DNAJC1: variants seen among roughly 807,000 people sequenced by gnomAD.
The protein encoded by DNAJC1 is dnaJ homolog subfamily C member 1.
In DNAJC1, 58 loss-of-function variants were observed where a neutral mutation model predicts 76.6. The ratio of observed to expected loss-of-function variants is 0.76; its 90% CI spans 0.61 to 0.94. The LOEUF is 0.94. Ranked by LOEUF, DNAJC1 falls within the 40% of genes least tolerant of loss-of-function variation. DNAJC1 has a pLI of 0.00. For missense variants in DNAJC1, 689 were observed against 677.3 expected, an observed-to-expected ratio of 1.02 and a Z score of -0.19; for synonymous variants, 258 against 267.9, an observed-to-expected ratio of 0.96 and a Z score of 0.36.
At chr10:21,906,118 T>TAA (rs946054126) in intron 6 of DNAJC1, among the ~76,000 whole-genome samples, 24 of 152,280 alleles carry the variant, frequency 1.6e-4, no homozygotes, top group Admixed American at 1.4e-3. Context: ...ATTGAATCAA[T>TAA]ACAATACAGA....
intron 8 of DNAJC1, among the ~76,000 whole-genome samples, chr10:21,819,626 G>T (rs958076783): frequency 8.6e-5 from 13 of 151,862 alleles, no homozygotes; most frequent in African/African-American, 2.9e-4. Context: ...TTTTTTTATT[G>T]AGATCTAATT....
At chr10:21,813,526 G>T (rs1189985589) in intron 8 of DNAJC1, among the ~76,000 whole-genome samples, 1 of 151,894 alleles carries the variant, frequency 6.6e-6, no homozygotes, top group Admixed American at 6.6e-5. Flanking sequence ...CTCCCGAGTA[G>T]CTGGGACTAC....
At chr10:21,954,825 G>A (rs114410338) in intron 1 of DNAJC1, among the ~76,000 whole-genome samples, 4,974 of 152,208 alleles carry the variant, frequency 0.033, 134 homozygotes, top group Middle Eastern at 0.065. Flanking sequence ...ATAATATAAT[G>A]AGGAAACTGG....
At chr10:21,982,477 G>A (rs146687013) in intron 1 of DNAJC1, among the ~76,000 whole-genome samples, 1,734 of 152,116 alleles carry the variant, frequency 0.011, 18 homozygotes, top group Middle Eastern at 0.048. Context: ...CACAGAATGG[G>A]AGAAAATATT....
chr10:21,819,034 A>G (rs1564796854), intron 8 of DNAJC1, among the ~76,000 whole-genome samples: 1 of 152,230 alleles, frequency 6.6e-6, no homozygotes, highest in East Asian at 1.9e-4. Context: ...AAGGACTAAC[A>G]TGACACTAAT....
chr10:21,789,865 C>G (rs146459300), intron 9 of DNAJC1, among the ~76,000 whole-genome samples: 1 of 151,556 alleles, frequency 6.6e-6, no homozygotes, highest in African/African-American at 2.4e-5. Flanking sequence ...CAAAAATTAG[C>G]CAGGCAGGGT....
At chr10:21,757,553 T>G (rs1261568228) in intron 11 of DNAJC1, among the ~76,000 whole-genome samples, 2 of 152,166 alleles carry the variant, frequency 1.3e-5, no homozygotes, top group Non-Finnish European at 2.9e-5. Context: ...AGCTTAGTGG[T>G]GTTATGAGAG....
intron 8 of DNAJC1, among the ~76,000 whole-genome samples, chr10:21,838,012 C>A (rs892817432): frequency 3.2e-5 from 4 of 126,372 alleles, no homozygotes; most frequent in Admixed American, 1.5e-4. Flanking sequence ...AGGTGGGGGG[C>A]GTCTCCGCCC....
At chr10:21,798,993 C>T (rs1386195496) in intron 9 of DNAJC1, among the ~76,000 whole-genome samples, 1 of 152,138 alleles carries the variant, frequency 6.6e-6, no homozygotes, top group South Asian at 2.1e-4. Flanking sequence ...TGTGCCTGAC[C>T]AACAATCTAC....
At chr10:21,962,835 T>C (rs549198975) in intron 1 of DNAJC1, among the ~76,000 whole-genome samples, 54 of 152,162 alleles carry the variant, frequency 3.5e-4, no homozygotes, top group African/African-American at 1.3e-3. Context: ...AAGTAAAATA[T>C]TGAAAAAGAT....
intron 8 of DNAJC1, among the ~76,000 whole-genome samples, chr10:21,806,881 C>G (rs892289452): frequency 6.6e-6 from 1 of 152,122 alleles, no homozygotes; most frequent in Non-Finnish European, 1.5e-5. Flanking sequence ...AGATTATAAA[C>G]ACGCATATGC....
intron 3 of DNAJC1, among the ~76,000 whole-genome samples, chr10:21,923,633 T>A (rs1379603403): frequency 6.6e-6 from 1 of 151,954 alleles, no homozygotes; most frequent in Non-Finnish European, 1.5e-5. Context: ...TAGGAAATTA[T>A]AATGGCATTT....
At chr10:21,809,530 CATA>C (rs963804145) in intron 8 of DNAJC1, among the ~76,000 whole-genome samples, 6 of 150,994 alleles carry the variant, frequency 4.0e-5, no homozygotes, top group Non-Finnish European at 5.9e-5. Flanking sequence ...CATTATTATA[CATA>C]ATAATATAAC....
chr10:21,811,022 T>C (rs1053352214), intron 8 of DNAJC1, among the ~76,000 whole-genome samples: 1 of 152,216 alleles, frequency 6.6e-6, no homozygotes, highest in African/African-American at 2.4e-5. Context: ...CACTGTAACA[T>C]ACAATCTTCG....
At position 21,765,278 on chromosome 10, in the gene DNAJC1, G is replaced by C. The variant is rs540683450; in HGVS notation, c.1147+983C>G. Among the ~76,000 whole-genome samples the C allele has an allele frequency of 1.7e-3, 263 of 152,104 alleles. 2 individuals are homozygous for C. The highest frequency in any genetic ancestry group is 6.2e-3 in the African/African-American group (256 of 41,500). On this transcript the variant is annotated intron_variant, in intron 10 of 11. Coordinates refer to ENST00000376980, the MANE Select transcript of DNAJC1 (RefSeq NM_022365.4). ...ATGGGGGGTCTCACTATGTTGCCCAGGCTGGTTTTGAACTCCTGGGCTCAA... is the reference window on the plus strand; with the variant it reads ...ATGGGGGGTCTCACTATGTTGCCCACGCTGGTTTTGAACTCCTGGGCTCAA...
intron 8 of DNAJC1, among the ~76,000 whole-genome samples, chr10:21,848,346 T>C (rs1233246293): frequency 2.0e-5 from 3 of 152,220 alleles, no homozygotes; most frequent in Non-Finnish European, 4.4e-5. Flanking sequence ...TTCTAGTTAT[T>C]AATCCCTTGT....
chr10:21,786,427 A>AATATATATAT (rs71472824), intron 9 of DNAJC1, among the ~76,000 whole-genome samples: 1 of 31,398 alleles, frequency 3.2e-5, no homozygotes, highest in Non-Finnish European at 5.7e-5. Context: ...TTAAAATGGG[A>AATATATATAT]ATATATATAT....
At chr10:21,773,970 T>C (rs1834422849) in intron 9 of DNAJC1, among the ~76,000 whole-genome samples, 1 of 150,468 alleles carries the variant, frequency 6.6e-6, no homozygotes, top group Non-Finnish European at 1.5e-5. Context: ...TGAAACCCCG[T>C]CTCTACTAAA....
intron 1 of DNAJC1, among the ~76,000 whole-genome samples, chr10:21,964,278 G>T (rs569226402): frequency 1.3e-5 from 2 of 152,004 alleles, no homozygotes; most frequent in Non-Finnish European, 2.9e-5. Flanking sequence ...GCAGTGGCAC[G>T]ATCTCGGCCC....
Sources: gnomAD v4.1 joint callset for allele counts (sites outside exome capture counted in the v4.1 genomes callset) on GRCh38, gnomAD v4.1.1 for gene constraint, MANE v1.5 for transcripts, NCBI Gene and HGNC (gene_info 2026-07-23, HGNC 2026-07-21) for gene names.